The following DLGAP2 variants were observed in gnomAD, a reference collection of about 807,000 sequenced individuals.
The protein encoded by DLGAP2 is disks large-associated protein 2.
A neutral mutation model predicts 100.3 loss-of-function variants in DLGAP2; 26 were observed. The observed-to-expected ratio is 0.26, with a 90% confidence interval of 0.19 to 0.36. DLGAP2 has a LOEUF of 0.36. Ranked by LOEUF, DLGAP2 falls within the 10% of genes least tolerant of loss-of-function variation. The pLI, the probability that DLGAP2 is intolerant of heterozygous loss-of-function variation, is 1.00. For missense variants in DLGAP2, 1,858 were observed against 1,453.2 expected (o/e 1.28, Z -4.53); for synonymous variants, 886 against 630.1 (o/e 1.41, Z -6.08).
intron 2 of DLGAP2, among the ~76,000 whole-genome samples, chr8:1,169,157 GTT>G (rs1797076542): frequency 6.6e-6 from 1 of 151,666 alleles, no homozygotes; most frequent in South Asian, 2.1e-4. Flanking sequence ...CCCATTGCTT[GTT>G]TTTCTAAGGT....
intron 3 of DLGAP2, among the ~76,000 whole-genome samples, chr8:1,462,608 T>C (rs1798491974): frequency 6.6e-6 from 1 of 152,090 alleles, no homozygotes; most frequent in South Asian, 2.1e-4. Flanking sequence ...CTACCTTGGG[T>C]GGATGGGAAT....
At chr8:1,454,367 T>TA (rs925072405) in intron 3 of DLGAP2, among the ~76,000 whole-genome samples, 1 of 151,846 alleles carries the variant, frequency 6.6e-6, no homozygotes, top group African/African-American at 2.4e-5. Flanking sequence ...TTTTTTTTTT[T>TA]ATCTTTTCTC....
intron 2 of DLGAP2, among the ~76,000 whole-genome samples, chr8:1,030,176 C>G (rs1213091985): frequency 2.0e-5 from 3 of 152,212 alleles, no homozygotes; most frequent in Non-Finnish European, 4.4e-5. Context: ...AGTGGGAGAT[C>G]CAGCTCTTGC....
chr8:1,257,438 C>T (rs1234607095), intron 2 of DLGAP2, among the ~76,000 whole-genome samples: 1 of 152,080 alleles, frequency 6.6e-6, no homozygotes, highest in East Asian at 1.9e-4. Flanking sequence ...CCCCTCCACC[C>T]CCCCGCCCCA....
At chr8:1,031,108 G>A (rs963434788) in intron 2 of DLGAP2, among the ~76,000 whole-genome samples, 3 of 152,228 alleles carry the variant, frequency 2.0e-5, no homozygotes, top group African/African-American at 7.2e-5. Context: ...CTCAGCAGGT[G>A]CTGGTATTGC....
At chr8:1,650,242 G>A (rs989012612) in intron 8 of DLGAP2, among the ~76,000 whole-genome samples, 1 of 152,200 alleles carries the variant, frequency 6.6e-6, no homozygotes, top group Non-Finnish European at 1.5e-5. Flanking sequence ...TAATGGAGAG[G>A]TACTTTATAA....
intron 3 of DLGAP2, among the ~76,000 whole-genome samples, chr8:1,476,757 T>C (rs1798942092): frequency 6.7e-6 from 1 of 148,480 alleles, no homozygotes; most frequent in Non-Finnish European, 1.5e-5. Context: ...CCACCCTTGA[T>C]GGCCGAGTGC....
intron 2 of DLGAP2, among the ~76,000 whole-genome samples, chr8:958,058 C>G (rs186609667): frequency 2.0e-5 from 3 of 152,288 alleles, no homozygotes; most frequent in East Asian, 3.9e-4. Flanking sequence ...CCCCCAGCCC[C>G]TGGCAGCCTC....
intron 3 of DLGAP2, among the ~76,000 whole-genome samples, chr8:1,350,909 G>A (rs1378031721): frequency 1.6e-5 from 2 of 128,368 alleles, no homozygotes; most frequent in African/African-American, 6.1e-5. Context: ...AAGGCCGTGC[G>A]GGTCCTGACT....
chr8:1,121,640 CT>C, intron 2 of DLGAP2, among the ~76,000 whole-genome samples: 1 of 151,724 alleles, frequency 6.6e-6, no homozygotes, highest in Admixed American at 6.6e-5. Flanking sequence ...TTCAGAACCC[CT>C]GATCACCCAT....
intron 2 of DLGAP2, among the ~76,000 whole-genome samples, chr8:925,190 T>G (rs1382315848): frequency 6.6e-6 from 1 of 152,174 alleles, no homozygotes; most frequent in Admixed American, 6.5e-5. Flanking sequence ...TGGTGTGCAG[T>G]GGCCTTCTGG....
At chr8:1,351,937 T>C (rs1269593008) in intron 3 of DLGAP2, among the ~76,000 whole-genome samples, 105 of 68,084 alleles carry the variant, frequency 1.5e-3, no homozygotes, top group Non-Finnish European at 2.6e-3. Flanking sequence ...CCTGACTGTG[T>C]GTGGAAAGGC....
intron 2 of DLGAP2, among the ~76,000 whole-genome samples, chr8:1,122,957 T>C (rs1025294397): frequency 2.0e-5 from 3 of 152,204 alleles, no homozygotes; most frequent in Non-Finnish European, 4.4e-5. Flanking sequence ...GAGCTTTGGC[T>C]TAGGTCCGCC....
rs1340220344 is a variant in DLGAP2, at chr8:1,187,412, G to A, written c.74-71439G>A. 7.8e-4 allele frequency among the ~76,000 whole-genome samples: 81 copies of A among 103,270 alleles called. 1 individual carries two copies. Among genetic ancestry groups the A allele is most frequent in the African/African-American group, 2.6e-3 (55 of 21,496 alleles). The allele number at this position is 103,270 out of a possible 152,430, so 67.7% of individuals were successfully genotyped here. On this transcript the variant is annotated intron_variant, in intron 2 of 14. Transcript: ENST00000637795. The stretch of plus-strand genomic sequence containing the variant: ...ACGTTTCCCTCACGGAATGTCACAC[G>A]CCCGGGACCTCCGTGACGTTTGCCT...
intron 3 of DLGAP2, among the ~76,000 whole-genome samples, chr8:1,496,549 A>ACT (rs1563183192): frequency 6.6e-6 from 1 of 151,996 alleles, no homozygotes; most frequent in Non-Finnish European, 1.5e-5. Flanking sequence ...TGACATTGAG[A>ACT]CGACTCATCA....
intron 3 of DLGAP2, among the ~76,000 whole-genome samples, chr8:1,440,493 C>A (rs1704385720): frequency 6.6e-6 from 1 of 152,196 alleles, no homozygotes; most frequent in South Asian, 2.1e-4. Flanking sequence ...CTTGAGCCAG[C>A]AGAGAGAAAA....
intron 1 of DLGAP2, among the ~76,000 whole-genome samples, chr8:756,177 C>T (rs1185985650): frequency 2.6e-5 from 4 of 151,950 alleles, no homozygotes; most frequent in Non-Finnish European, 5.9e-5. Context: ...CGGGTTGGGG[C>T]CACGAGTGTC....
chr8:1,306,876 A>T (rs1466724648), intron 3 of DLGAP2, among the ~76,000 whole-genome samples: 1 of 152,184 alleles, frequency 6.6e-6, no homozygotes, highest in Non-Finnish European at 1.5e-5. Context: ...CATACCTTAT[A>T]CCACATATAA....
intron 9 of DLGAP2, 61 bp from the exon 10 acceptor site, chr8:1,669,682 G>A (rs202189294): frequency 2.3e-5 from 18 of 780,090 alleles, no homozygotes; most frequent in South Asian, 9.4e-5. Context: ...CAGGGGAGCC[G>A]CCCGCTGGTC....
Sources: gnomAD v4.1 joint callset for allele counts (sites outside exome capture counted in the v4.1 genomes callset) on GRCh38, gnomAD v4.1.1 for gene constraint, MANE v1.5 for transcripts, NCBI Gene and HGNC (gene_info 2026-07-23, HGNC 2026-07-21) for gene names.